RHEX: variants seen among roughly 807,000 people sequenced by gnomAD.
RHEX encodes the protein regulator of hemoglobinization and erythroid cell expansion.
Under a neutral mutation model 20.1 loss-of-function variants are expected in RHEX, and 18 were observed. The observed-to-expected ratio is 0.90, with a 90% CI of 0.62 to 1.33. The LOEUF is 1.33. Among genes scored for constraint, RHEX ranks in the 40% most tolerant of loss-of-function variants. RHEX has a pLI of 0.00. For missense variants in RHEX, 192 were observed against 214.3 expected, an observed-to-expected ratio of 0.90 and a Z score of 0.65; for synonymous variants, 87 against 77.1, an observed-to-expected ratio of 1.13 and a Z score of -0.67.
At chr1:206,082,863 T>C (rs1277194715) in intron 1 of RHEX, among the ~76,000 whole-genome samples, 1 of 152,086 alleles carries the variant, frequency 6.6e-6, no homozygotes, top group Non-Finnish European at 1.5e-5. Flanking sequence ...TTTGTCTGTT[T>C]TATATCTGGG....
chr1:206,072,257 C>T (rs929754056), intron 1 of RHEX, among the ~76,000 whole-genome samples: 1 of 152,094 alleles, frequency 6.6e-6, no homozygotes, highest in African/African-American at 2.4e-5. Flanking sequence ...AAACATGGCC[C>T]TTATTCCAAG....
At chr1:206,097,987 C>T (rs1480763204) in intron 2 of RHEX, 94 bp from the exon 3 acceptor site, 1 of 1,204,006 alleles carries the variant, frequency 8.3e-7, no homozygotes, top group Non-Finnish European at 1.2e-6. Context: ...CGCAGCAATG[C>T]CAGATGTCTG....
At chr1:206,074,984 G>A (rs1553285062) in intron 1 of RHEX, among the ~76,000 whole-genome samples, 1 of 152,196 alleles carries the variant, frequency 6.6e-6, no homozygotes, top group South Asian at 2.1e-4. Context: ...GCCCCACAGG[G>A]GGCCAAAACT....
At position 206,067,989 on chromosome 1, in the gene RHEX, C is replaced by T. The variant is rs190620056; in HGVS notation, c.-97+14724C>T. 5.3e-5 allele frequency among the ~76,000 whole-genome samples: 8 copies of T among 152,246 alleles called. No individual in the cohort carries two copies. Among genetic ancestry groups the T allele is most frequent in the East Asian group, 3.9e-4 (2 of 5,184 alleles). On this transcript the variant is annotated intron_variant, in intron 1 of 5. Coordinates refer to ENST00000331555, the MANE Select transcript of RHEX (RefSeq NM_001007544.4). The surrounding 1 kb of genome is among the most constrained non-coding windows in gnomAD (Gnocchi z 4.6). Reference sequence around the variant, plus strand: ...GTACTCCATGGCTCCATTCCACTTACGGGGACTGGAGTGGGGAGGAGAAAG... The same window carrying T: ...GTACTCCATGGCTCCATTCCACTTATGGGGACTGGAGTGGGGAGGAGAAAG...
At chr1:206,075,062 T>C (rs1460867808) in intron 1 of RHEX, among the ~76,000 whole-genome samples, 2 of 152,216 alleles carry the variant, frequency 1.3e-5, no homozygotes, top group Non-Finnish European at 2.9e-5. Context: ...GTTGAAAATG[T>C]CCAGAAGGCC....
intron 1 of RHEX, among the ~76,000 whole-genome samples, chr1:206,088,557 C>T (rs181492137): frequency 1.3e-5 from 2 of 152,288 alleles, no homozygotes; most frequent in African/African-American, 4.8e-5. Flanking sequence ...GTGCTGCACA[C>T]CTGTAATCCC....
intron 1 of RHEX, among the ~76,000 whole-genome samples, chr1:206,086,207 T>C (rs1662837414): frequency 6.6e-6 from 1 of 152,170 alleles, no homozygotes; most frequent in Non-Finnish European, 1.5e-5. Flanking sequence ...CTGAAAATCA[T>C]GAGTGGGCCC....
intron 1 of RHEX, among the ~76,000 whole-genome samples, chr1:206,087,638 T>G (rs1553286541): frequency 6.6e-6 from 1 of 152,228 alleles, no homozygotes; most frequent in Non-Finnish European, 1.5e-5. Context: ...AATATTTGAT[T>G]GATTGAAATT....
intron 1 of RHEX, among the ~76,000 whole-genome samples, chr1:206,054,981 G>A (rs145362742): frequency 9.8e-5 from 15 of 152,394 alleles, no homozygotes; most frequent in South Asian, 2.1e-4. Flanking sequence ...TGGCTGAAAT[G>A]GATCAAATAT....
In RHEX at chr1:206,099,893, C is replaced by T. The variant is rs145173205; in HGVS notation, c.256+95C>T. The T allele has an allele frequency of 1.9e-5, 22 of 1,177,160 alleles. 1 individual carries two copies. The African/African-American group carries it at 2.0e-4, about 11-fold the overall frequency. The allele number at this position is 1,177,160 out of a possible 1,614,324, so 72.9% of individuals were successfully genotyped here. A position where few individuals can be genotyped will look rare whatever the true frequency, so the allele number is the denominator to read the frequency against. Reference sequence around the variant, plus strand: ...CCTGCAGCAACCCCATGGGCCCAAACCTCTAGCCTGAGGATTCCTCACAGC... The same window carrying T: ...CCTGCAGCAACCCCATGGGCCCAAATCTCTAGCCTGAGGATTCCTCACAGC... On this transcript the variant is annotated intron_variant, in intron 4 of 5. Coordinates refer to ENST00000331555, the MANE Select transcript of RHEX (RefSeq NM_001007544.4).
intron 1 of RHEX, among the ~76,000 whole-genome samples, chr1:206,086,669 T>G (rs1221388055): frequency 6.6e-6 from 1 of 152,336 alleles, no homozygotes; most frequent in East Asian, 1.9e-4. Flanking sequence ...CAAAATGTTT[T>G]TTATGATATA....
chr1:206,081,802 A>G (rs1553285929), intron 1 of RHEX, among the ~76,000 whole-genome samples: 8 of 152,204 alleles, frequency 5.3e-5, no homozygotes. Context: ...CTAGAGCTGT[A>G]TGAATGTTAC....
At chr1:206,099,413 G>C (rs1373235656) in intron 3 of RHEX, among the ~76,000 whole-genome samples, 1 of 151,826 alleles carries the variant, frequency 6.6e-6, no homozygotes, top group East Asian at 1.9e-4. Context: ...CTGCCTCCCA[G>C]GTTCAAGCAG....
intron 1 of RHEX, among the ~76,000 whole-genome samples, chr1:206,093,842 T>A (rs1428984757): frequency 1.2e-4 from 18 of 151,508 alleles, no homozygotes; most frequent in South Asian, 4.2e-4. Flanking sequence ...CGAAGTAGGG[T>A]TTTTTTTGGT....
chr1:206,086,289 G>A (rs782732030), intron 1 of RHEX, among the ~76,000 whole-genome samples: 1 of 152,138 alleles, frequency 6.6e-6, no homozygotes, highest in South Asian at 2.1e-4. Flanking sequence ...GAATGTTCTG[G>A]TCCAAGGATC....
At chr1:206,064,844 G>A (rs1662392618) in intron 1 of RHEX, among the ~76,000 whole-genome samples, 1 of 152,142 alleles carries the variant, frequency 6.6e-6, no homozygotes, top group South Asian at 2.1e-4. Context: ...AGTGGGGAAA[G>A]GTGGGGAAAA....
At chr1:206,077,225 T>C (rs1553285376) in intron 1 of RHEX, among the ~76,000 whole-genome samples, 1 of 152,176 alleles carries the variant, frequency 6.6e-6, no homozygotes, top group African/African-American at 2.4e-5. Context: ...GAGCCGGTGA[T>C]GACTTGGAAG....
At chr1:206,076,517 C>T (rs782012762) in intron 1 of RHEX, among the ~76,000 whole-genome samples, 6 of 152,206 alleles carry the variant, frequency 3.9e-5, no homozygotes, top group Admixed American at 1.3e-4. Flanking sequence ...CAGAGGCTCA[C>T]GCCCACGGCA....
At chr1:206,053,864 C>T (rs1378995993) in intron 1 of RHEX, among the ~76,000 whole-genome samples, 1 of 152,190 alleles carries the variant, frequency 6.6e-6, no homozygotes, top group African/African-American at 2.4e-5. Context: ...GCATAAGCGG[C>T]TGGCAGAGGC....
Sources: allele counts gnomAD v4.1 joint callset (sites outside exome capture counted in the v4.1 genomes callset), GRCh38; gene constraint gnomAD v4.1.1; non-coding constraint Gnocchi (gnomAD v3.1); transcripts MANE v1.5; gene names NCBI Gene and HGNC (gene_info 2026-07-23, HGNC 2026-07-21).